NEBL: variants seen among roughly 807,000 people sequenced by gnomAD.
NEBL encodes the protein nebulette.
Under a neutral mutation model 140.2 loss-of-function variants are expected in NEBL, and 122 were observed. The observed-to-expected ratio is 0.87, with a 90% confidence interval of 0.75 to 1.01. The LOEUF is 1.01. Among genes scored for constraint, NEBL ranks in the 50% least tolerant of loss-of-function variants. The pLI, the probability that NEBL is intolerant of heterozygous loss-of-function variation, is 0.00. For synonymous variants in NEBL, 436 were observed against 398.9 expected (o/e 1.09, Z -1.11); for missense variants, 1,365 against 1,231.3 (o/e 1.11, Z -1.62).
intron 3 of NEBL, among the ~76,000 whole-genome samples, chr10:21,210,879 A>G (rs180860886): frequency 6.6e-6 from 1 of 152,232 alleles, no homozygotes; most frequent in Non-Finnish European, 1.5e-5. Flanking sequence ...GTAAGTCTTT[A>G]AAAAACCTGT....
At chr10:21,022,457 G>C in intron 2 of NEBL, among the ~76,000 whole-genome samples, 1 of 152,184 alleles carries the variant, frequency 6.6e-6, no homozygotes, top group South Asian at 2.1e-4. Context: ...CACGGAGTCA[G>C]ATTCGTGGTA....
intron 3 of NEBL, among the ~76,000 whole-genome samples, chr10:21,211,382 G>A (rs888890560): frequency 6.6e-6 from 1 of 152,192 alleles, no homozygotes; most frequent in African/African-American, 2.4e-5. Context: ...TAGGGAGGCT[G>A]AGGTGGGAGG....
At chr10:21,287,764 A>G (rs929828762) in intron 1 of NEBL, among the ~76,000 whole-genome samples, 5 of 152,344 alleles carry the variant, frequency 3.3e-5, no homozygotes, top group African/African-American at 1.2e-4. Flanking sequence ...TAAATCTAGA[A>G]GACAAATAAC....
intron 2 of NEBL, among the ~76,000 whole-genome samples, chr10:21,048,468 A>AAAAGGT (rs1554821159): frequency 4.5e-4 from 69 of 151,836 alleles, no homozygotes; most frequent in Non-Finnish European, 8.7e-4. Context: ...AAAAAAAAAA[A>AAAAGGT]ACCTAAGTAA....
rs371630558 is a variant in NEBL, at chr10:21,277,453, A to T, written n.182+15377T>A. On this transcript the variant is annotated intron_variant and non_coding_transcript_variant, in intron 1 of 8. Transcript: ENST00000675702. ...TCGAACTCCTGACCTCAAGTGATCCACCCACTTTTGCCTCTCAAAGTGCTG... is the reference window on the plus strand; with the variant it reads ...TCGAACTCCTGACCTCAAGTGATCCTCCCACTTTTGCCTCTCAAAGTGCTG... Among the ~76,000 whole-genome samples the T allele has an allele frequency of 4.6e-5, 7 of 152,024 alleles. No individual in the cohort carries two copies. In the East Asian group the frequency reaches 9.7e-4, roughly 21 times the overall value.
intron 11 of NEBL, among the ~76,000 whole-genome samples, chr10:20,848,592 G>C (rs1448420355): frequency 6.6e-6 from 1 of 151,826 alleles, no homozygotes; most frequent in Non-Finnish European, 1.5e-5. Flanking sequence ...GGTGGCATTA[G>C]ATTCTCATAG....
At chr10:20,927,859 T>C (rs1833988640) in intron 4 of NEBL, among the ~76,000 whole-genome samples, 1 of 152,158 alleles carries the variant, frequency 6.6e-6, no homozygotes, top group Admixed American at 6.5e-5. Context: ...TACTCCTAGA[T>C]AGGCACGACC....
chr10:20,963,047 CGGAAATCTAG>C, intron 3 of NEBL, among the ~76,000 whole-genome samples: 1 of 138,134 alleles, frequency 7.2e-6, no homozygotes, highest in African/African-American at 2.7e-5. Context: ...CACACACACA[CGGAAATCTAG>C]ATACTCTCAT....
Position 20,828,659 on chromosome 10 carries a change from A to T in NEBL, c.1672-25T>A, listed in dbSNP as rs930489511. On this transcript the variant is annotated intron_variant, in intron 16 of 27. Transcript: ENST00000377122. ...TCTAAAAACATAAACAGTTAATATAAATCTGAAACTATGTGTGTGCGCACA... is the reference window on the plus strand; with the variant it reads ...TCTAAAAACATAAACAGTTAATATATATCTGAAACTATGTGTGTGCGCACA... 5.6e-6 allele frequency: 8 copies of T among 1,435,220 alleles called. 1 individual carries two copies. The highest frequency in any genetic ancestry group is 7.8e-6 in the Non-Finnish European group (8 of 1,022,034). The allele number at this position is 1,435,220 out of a possible 1,614,324, so 88.9% of individuals were successfully genotyped here.
chr10:20,920,595 T>A (rs1404886859), intron 4 of NEBL, among the ~76,000 whole-genome samples: 2 of 152,102 alleles, frequency 1.3e-5, no homozygotes, highest in African/African-American at 4.8e-5. Context: ...ATGAACACAT[T>A]TACTTCTGTA....
intron 2 of NEBL, among the ~76,000 whole-genome samples, chr10:21,158,275 T>C (rs889605698): frequency 2.0e-5 from 3 of 152,216 alleles, no homozygotes; most frequent in Non-Finnish European, 4.4e-5. Flanking sequence ...ACTTGGGATG[T>C]TTTCTCATCC....
chr10:21,289,144 G>T (rs1212595743), intron 1 of NEBL, among the ~76,000 whole-genome samples: 1 of 151,840 alleles, frequency 6.6e-6, no homozygotes, highest in East Asian at 1.9e-4. Flanking sequence ...ACTGAGCCCG[G>T]CCCTTTTTAT....
rs1458359148 is a variant in NEBL at position 21,076,307 on chromosome 10, T to C, written c.165-56106A>G. On this transcript the variant is annotated intron_variant, in intron 2 of 6. Transcript: ENST00000417816. ...AAAATACAAAAAAATTAGCCAGGCA[T>C]GGTGGTGCACACCTGTAATCCCAGC... 2.0e-5 allele frequency among the ~76,000 whole-genome samples: 3 copies of C among 151,714 alleles called. No homozygotes were observed. The East Asian group carries it at 5.8e-4, about 29-fold the overall frequency.
intron 4 of NEBL, among the ~76,000 whole-genome samples, chr10:20,923,853 T>C (rs1248633447): frequency 6.6e-6 from 1 of 151,860 alleles, no homozygotes; most frequent in East Asian, 1.9e-4. Flanking sequence ...GAGCTCCTCA[T>C]ATCTAGGAAC....
chr10:21,096,634 T>A (rs1754710650), intron 2 of NEBL, among the ~76,000 whole-genome samples: 2 of 151,926 alleles, frequency 1.3e-5, no homozygotes, highest in Admixed American at 1.3e-4. Context: ...CTGCCTCAGT[T>A]TTCCCAGTAG....
At chr10:21,141,060 C>CAAAAA (rs35937796) in intron 2 of NEBL, among the ~76,000 whole-genome samples, 1 of 120,074 alleles carries the variant, frequency 8.3e-6, no homozygotes, top group Non-Finnish European at 1.9e-5. Context: ...AGGTATTCGA[C>CAAAAA]AAAAAAAAAA....
At chr10:21,251,101 C>T (rs187388607) in intron 2 of NEBL, among the ~76,000 whole-genome samples, 4 of 152,278 alleles carry the variant, frequency 2.6e-5, no homozygotes, top group African/African-American at 9.6e-5. Context: ...CTCCCTTCTA[C>T]ACTACCCAAG....
At chr10:21,174,498 C>T (rs1841246041), upstream of NEBL, 3 of 152,580 alleles carry the variant, frequency 2.0e-5, no homozygotes, top group Admixed American at 1.3e-4. Context: ...GCACCCTCAT[C>T]CCAGGCTGAC....
chr10:21,044,132 C>T (rs909020482), intron 2 of NEBL, among the ~76,000 whole-genome samples: 75 of 152,282 alleles, frequency 4.9e-4, no homozygotes, highest in Non-Finnish European at 1.0e-4. Flanking sequence ...CACGATGGCT[C>T]ACGCCTGTAA....
Sources: gnomAD v4.1 joint callset for allele counts (sites outside exome capture counted in the v4.1 genomes callset) on GRCh38, gnomAD v4.1.1 for gene constraint, MANE v1.5 for transcripts, NCBI Gene and HGNC (gene_info 2026-07-23, HGNC 2026-07-21) for gene names.